ZC4H2: variants seen among roughly 807,000 people sequenced by gnomAD.
The protein encoded by ZC4H2 is zinc finger C4H2-type containing.
For synonymous variants in ZC4H2, 84 were observed against 66.3 expected (o/e 1.27, Z -1.30); for missense variants, 137 against 173.9 (o/e 0.79, Z 1.19).
intron 1 of ZC4H2, among the ~76,000 whole-genome samples, chrX:64,994,662 G>A (rs1932376805): frequency 9.0e-6 from 1 of 110,908 alleles, no homozygotes; most frequent in Non-Finnish European, 1.9e-5. Context: ...TGCTCTGCTT[G>A]GCTTTTTTAT....
rs1001261704 is a variant in ZC4H2, at chrX:64,965,205, C to A, written c.53+11120G>T. Among the ~76,000 whole-genome samples the A allele has an allele frequency of 3.6e-5, 4 of 111,592 alleles. No individual in the cohort carries two copies. In the Admixed American group the frequency reaches 3.8e-4, roughly 11 times the overall value. On this transcript the variant is annotated intron_variant, in intron 1 of 4. Coordinates refer to ENST00000374839, the MANE Select transcript of ZC4H2 (RefSeq NM_018684.4). Reference sequence around the variant, plus strand: ...ATCTAAAACTCATAGAAATTCAAAGCGCCTAGAATAGTCAAAATTATTTCT... The same window carrying A: ...ATCTAAAACTCATAGAAATTCAAAGAGCCTAGAATAGTCAAAATTATTTCT...
At chrX:64,936,539 C>T (rs746031409) in intron 1 of ZC4H2, among the ~76,000 whole-genome samples, 4 of 111,872 alleles carry the variant, frequency 3.6e-5, no homozygotes, top group South Asian at 3.8e-4. Context: ...TCGGGTTACC[C>T]ACAAAGGGAA....
At chrX:64,936,238 GAACA>G (rs1162816198) in intron 1 of ZC4H2, among the ~76,000 whole-genome samples, 1 of 109,909 alleles carries the variant, frequency 9.1e-6, no homozygotes, top group Non-Finnish European at 1.9e-5. Flanking sequence ...GAATAAAGAG[GAACA>G]AACAAAGCCT....
chrX:64,931,806 A>G (rs986638586), intron 1 of ZC4H2, among the ~76,000 whole-genome samples: 1 of 111,596 alleles, frequency 9.0e-6, no homozygotes. Context: ...CCATACACTG[A>G]AAAAAAGAAT....
Position 64,920,265 on chromosome X carries a change from A to G in ZC4H2, c.226-12T>C. ...ATAGTGTTTTCCATCTGGAACATAG[A>G]GTGGGATAGGCACAGAGAAAAGATC... On this transcript the variant is annotated splice_polypyrimidine_tract_variant and intron_variant, in intron 2 of 4. Coordinates refer to ENST00000374839, the MANE Select transcript of ZC4H2 (RefSeq NM_018684.4). The G allele has an allele frequency of 8.3e-7, 1 of 1,206,668 alleles. No homozygotes were observed. Among genetic ancestry groups the G allele is most frequent in the Non-Finnish European group, 1.1e-6 (1 of 892,996 alleles).
At chrX:64,934,549 G>A (rs925880876) in intron 1 of ZC4H2, among the ~76,000 whole-genome samples, 1 of 111,687 alleles carries the variant, frequency 9.0e-6, no homozygotes, top group Non-Finnish European at 1.9e-5. Flanking sequence ...TTGATTGCTG[G>A]CAAGATGGCC....
At chrX:64,948,618 T>G (rs2147384664) in intron 1 of ZC4H2, among the ~76,000 whole-genome samples, 1 of 112,190 alleles carries the variant, frequency 8.9e-6, no homozygotes, top group Admixed American at 9.5e-5. Context: ...ACCTTATCTG[T>G]ACTTCTGTCT....
At chrX:65,012,255 G>GAAAT (rs1932762962) in intron 1 of ZC4H2, among the ~76,000 whole-genome samples, 1 of 90,291 alleles carries the variant, frequency 1.1e-5, no homozygotes, top group Non-Finnish European at 2.2e-5. Flanking sequence ...AAGAAAGAAA[G>GAAAT]AAAGAAAGAA....
At chrX:64,929,287 T>C (rs1929630543) in intron 1 of ZC4H2, among the ~76,000 whole-genome samples, 1 of 111,456 alleles carries the variant, frequency 9.0e-6, no homozygotes, top group South Asian at 3.8e-4. Flanking sequence ...GTCAGATGCA[T>C]AGTTTGCAAA....
intron 1 of ZC4H2, among the ~76,000 whole-genome samples, chrX:64,952,895 G>T (rs1403727813): frequency 5.4e-5 from 6 of 111,322 alleles, no homozygotes; most frequent in Admixed American, 9.5e-5. Flanking sequence ...CAAAGCTGGA[G>T]GCATCACGCT....
chrX:65,025,721 A>G (rs1569233686), intron 1 of ZC4H2, among the ~76,000 whole-genome samples: 1 of 112,136 alleles, frequency 8.9e-6, no homozygotes, highest in Non-Finnish European at 1.9e-5. Flanking sequence ...TCTCCTCTTC[A>G]GTCTACATCC....
chrX:64,947,287 G>A (rs1263930427), intron 1 of ZC4H2, among the ~76,000 whole-genome samples: 1 of 111,752 alleles, frequency 8.9e-6, no homozygotes, highest in Non-Finnish European at 1.9e-5. Context: ...TGTTCCATGA[G>A]CACTTGCAAA....
intron 1 of ZC4H2, among the ~76,000 whole-genome samples, chrX:64,984,926 T>C (rs1353909739): frequency 8.9e-6 from 1 of 112,155 alleles, no homozygotes; most frequent in East Asian, 2.8e-4. Context: ...CTTTCACTAT[T>C]AGAGTTTTCA....
At chrX:64,930,456 G>A (rs1005110456) in intron 1 of ZC4H2, among the ~76,000 whole-genome samples, 7 of 111,477 alleles carry the variant, frequency 6.3e-5, no homozygotes, top group Admixed American at 1.9e-4. Context: ...CAGTTCTCAC[G>A]GGGAATGTTT....
upstream of ZC4H2, among the ~76,000 whole-genome samples, chrX:64,977,387 T>C (rs1422998957): frequency 8.9e-6 from 1 of 111,935 alleles, no homozygotes; most frequent in Non-Finnish European, 1.9e-5. Context: ...ATGGGAGATG[T>C]AGTATTTAGA....
At chrX:64,999,748 G>A (rs1932497609) in intron 1 of ZC4H2, among the ~76,000 whole-genome samples, 1 of 112,083 alleles carries the variant, frequency 8.9e-6, no homozygotes. Flanking sequence ...TCTCGAGCTT[G>A]GTAGGGGGAC....
intron 1 of ZC4H2, among the ~76,000 whole-genome samples, chrX:65,018,431 G>A (rs947903730): frequency 8.9e-6 from 1 of 112,126 alleles, no homozygotes; most frequent in Non-Finnish European, 1.9e-5. Flanking sequence ...CAAAGGGTTG[G>A]TGGATTTCCT....
chrX:65,023,938 G>A (rs927134835), intron 1 of ZC4H2, among the ~76,000 whole-genome samples: 1 of 111,617 alleles, frequency 9.0e-6, no homozygotes. Flanking sequence ...AAAAAAGGAT[G>A]AGTTCCTGTC....
At chrX:64,936,903 T>C (rs1348261703) in intron 1 of ZC4H2, among the ~76,000 whole-genome samples, 1 of 111,583 alleles carries the variant, frequency 9.0e-6, no homozygotes, top group South Asian at 3.8e-4. Context: ...GACAGAATCA[T>C]ATTCACACAT....
Sources: gnomAD v4.1 joint callset for allele counts (sites outside exome capture counted in the v4.1 genomes callset) on GRCh38, gnomAD v4.1.1 for gene constraint, MANE v1.5 for transcripts, NCBI Gene and HGNC (gene_info 2026-07-23, HGNC 2026-07-21) for gene names.